The following UBAC2 variants were observed in gnomAD, a reference collection of about 807,000 sequenced individuals.
UBAC2 encodes ubiquitin-associated domain-containing protein 2.
UBAC2 carries 26 observed loss-of-function variants against 44.0 expected under a neutral mutation model. The ratio of observed to expected loss-of-function variants is 0.59; its 90% CI spans 0.43 to 0.82. The LOEUF is 0.82. Among genes scored for constraint, UBAC2 ranks in the 40% least tolerant of loss-of-function variants. The pLI is 0.00. For missense variants in UBAC2, 329 were observed against 419.4 expected (o/e 0.78, Z 1.88); for synonymous variants, 155 against 154.3 (o/e 1.00, Z -0.04).
At chr13:99,235,978 T>A (rs969402098) in intron 1 of UBAC2, among the ~76,000 whole-genome samples, 2 of 151,870 alleles carry the variant, frequency 1.3e-5, no homozygotes, top group African/African-American at 4.8e-5. Flanking sequence ...AAAAAAAAAA[T>A]TGTGCTGGTA....
At chr13:99,248,663 G>A (rs976746945) in intron 4 of UBAC2, among the ~76,000 whole-genome samples, 12 of 152,284 alleles carry the variant, frequency 7.9e-5, no homozygotes, top group South Asian at 4.1e-4. Flanking sequence ...GATTACAGGC[G>A]TGAGCCACTG....
At position 99,262,710 on chromosome 13, in the gene UBAC2, C is replaced by CAAAAAAAAAAAA. The variant is rs61627160; in HGVS notation, c.389+18105_389+18116dup. Among the ~76,000 whole-genome samples, 139 of 57,158 alleles carry CAAAAAAAAAAAA rather than the reference C, an allele frequency of 2.4e-3. 7 individuals carry two copies. Among genetic ancestry groups the CAAAAAAAAAAAA allele is most frequent in the Non-Finnish European group, 3.2e-3 (103 of 31,756 alleles). The allele number at this position is 57,158 out of a possible 152,430, so 37.5% of individuals were successfully genotyped here. ...TGGGCAACAGAGCAGAACTCCCTCT[C>CAAAAAAAAAAAA]AAAAAAAAAAAAAAAAAAAAAAAAA... On this transcript the variant is annotated intron_variant, in intron 4 of 8. Transcript: ENST00000403766.
At chr13:99,275,660 T>G (rs2043871995) in intron 4 of UBAC2, among the ~76,000 whole-genome samples, 1 of 152,214 alleles carries the variant, frequency 6.6e-6, no homozygotes, top group Non-Finnish European at 1.5e-5. Context: ...CCCCCAGGTT[T>G]TATTTCTCTA....
chr13:99,370,929 A>G (rs556808976), intron 8 of UBAC2, among the ~76,000 whole-genome samples: 7 of 152,342 alleles, frequency 4.6e-5, no homozygotes, highest in African/African-American at 1.7e-4. Flanking sequence ...TTCCTATAAC[A>G]TGTTTAAAAA....
At chr13:99,242,460 A>C (rs1482148316) in intron 2 of UBAC2, among the ~76,000 whole-genome samples, 78 of 76,254 alleles carry the variant, frequency 1.0e-3, no homozygotes, top group Admixed American at 2.1e-3. Flanking sequence ...CGGGGGGCTG[A>C]CCCCCCCACC....
intron 4 of UBAC2, among the ~76,000 whole-genome samples, chr13:99,277,957 T>G (rs542567281): frequency 1.3e-5 from 2 of 152,292 alleles, no homozygotes; most frequent in African/African-American, 4.8e-5. Context: ...GCAGGATAAA[T>G]TTCCTCATGG....
chr13:99,215,367 A>G, intron 1 of UBAC2: 1 of 1,056,682 alleles, frequency 9.5e-7, no homozygotes, highest in South Asian at 1.3e-5. Flanking sequence ...GAATCCAGGC[A>G]TACATTAGAC....
chr13:99,295,818 C>G lies in UBAC2; in HGVS notation c.390-18279C>G, dbSNP rs528727129. On this transcript the variant is annotated intron_variant, in intron 4 of 8. Transcript: ENST00000403766. This position sits in a 1 kb window ranked among gnomAD's most constrained non-coding sequence, Gnocchi z 4.1. The stretch of plus-strand genomic sequence containing the variant: ...CCTGCATATGTGTTGATGTAAAACA[C>G]TAGCGCAGTTATCCTACACAAGGCA... 8 of 1,609,454 alleles carry G rather than the reference C, an allele frequency of 5.0e-6. No individual in the cohort carries two copies. The highest frequency in any genetic ancestry group is 2.7e-5 in the African/African-American group (2 of 74,840).
intron 4 of UBAC2, among the ~76,000 whole-genome samples, chr13:99,270,914 C>T (rs1290677742): frequency 6.6e-6 from 1 of 152,192 alleles, no homozygotes; most frequent in Non-Finnish European, 1.5e-5. Flanking sequence ...TTTATGCATG[C>T]ATGAATGAAT....
At chr13:99,205,400 G>A (rs993373473) in intron 1 of UBAC2, among the ~76,000 whole-genome samples, 6 of 152,136 alleles carry the variant, frequency 3.9e-5, no homozygotes, top group Admixed American at 2.0e-4. Context: ...TCTTGGTCAC[G>A]GAGCGGTGGT....
chr13:99,270,079 T>G (rs1407751155), intron 4 of UBAC2, among the ~76,000 whole-genome samples: 3 of 152,234 alleles, frequency 2.0e-5, no homozygotes, highest in African/African-American at 7.2e-5. Context: ...ACCACTGGTA[T>G]AGCAATTGTG....
At chr13:99,228,484 G>A (rs2043136752) in intron 1 of UBAC2, among the ~76,000 whole-genome samples, 1 of 151,956 alleles carries the variant, frequency 6.6e-6, no homozygotes, top group Admixed American at 6.6e-5. Context: ...AGTAGTGACG[G>A]GGCTTCACGA....
intron 6 of UBAC2, among the ~76,000 whole-genome samples, chr13:99,339,967 CAG>C (rs1405543817): frequency 6.6e-6 from 1 of 152,198 alleles, no homozygotes; most frequent in Non-Finnish European, 1.5e-5. Flanking sequence ...AAGGTAACCG[CAG>C]AGTCAGTACA....
At chr13:99,210,873 A>G (rs573165740) in intron 1 of UBAC2, among the ~76,000 whole-genome samples, 7 of 152,226 alleles carry the variant, frequency 4.6e-5, no homozygotes, top group Non-Finnish European at 7.4e-5. Context: ...CGGCCTCACA[A>G]AGTGCTGGGA....
chr13:99,280,371 A>T (rs913509829), intron 4 of UBAC2, among the ~76,000 whole-genome samples: 7 of 152,304 alleles, frequency 4.6e-5, no homozygotes, highest in Non-Finnish European at 1.0e-4. Flanking sequence ...TTCATTTATT[A>T]CGACAATTGT....
chr13:99,292,542 C>T (rs1402179004), intron 4 of UBAC2, among the ~76,000 whole-genome samples: 1 of 152,106 alleles, frequency 6.6e-6, no homozygotes, highest in Non-Finnish European at 1.5e-5. Flanking sequence ...CAACCTGTTT[C>T]ACAGGATTGT....
chr13:99,301,162 C>T (rs933953902), intron 4 of UBAC2, among the ~76,000 whole-genome samples: 9 of 152,356 alleles, frequency 5.9e-5, no homozygotes, highest in Non-Finnish European at 1.2e-4. Context: ...AGCCGTCCTT[C>T]GTGCTGCCCA....
At chr13:99,257,982 A>G (rs565720645) in intron 4 of UBAC2, among the ~76,000 whole-genome samples, 82 of 152,336 alleles carry the variant, frequency 5.4e-4, no homozygotes, top group South Asian at 2.5e-3. Flanking sequence ...GGGTCTCACT[A>G]TGGTGCTCCT....
At position 99,338,047 on chromosome 13, in the gene UBAC2, C is replaced by CTTTT. The variant is rs869112086; in HGVS notation, c.562-2248_562-2245dup. 8.4e-4 allele frequency among the ~76,000 whole-genome samples: 41 copies of CTTTT among 48,862 alleles called. 6 individuals are homozygous for CTTTT. The highest frequency in any genetic ancestry group is 2.3e-3 in the African/African-American group (33 of 14,114). The allele number at this position is 48,862 out of a possible 152,430, so 32.1% of individuals were successfully genotyped here. A position where few individuals can be genotyped will look rare whatever the true frequency, so the allele number is the denominator to read the frequency against. On this transcript the variant is annotated intron_variant, in intron 6 of 8. Transcript: ENST00000403766. The stretch of plus-strand genomic sequence containing the variant: ...ATCTCCTAACTTTTTTTCTTTTTTT[C>CTTTT]TTTTTTTTTTTTTTTTTTTTTTTTT...
Sources: gnomAD v4.1 joint callset for allele counts (sites outside exome capture counted in the v4.1 genomes callset) on GRCh38, gnomAD v4.1.1 for gene constraint, Gnocchi (gnomAD v3.1) non-coding constraint, MANE v1.5 for transcripts, NCBI Gene and HGNC (gene_info 2026-07-23, HGNC 2026-07-21) for gene names.